The following NRG1 variants were observed in gnomAD, a reference collection of about 807,000 sequenced individuals.
The protein encoded by NRG1 is neuregulin 1.
NRG1 carries 18 observed loss-of-function variants against 63.8 expected under a neutral mutation model. That is an observed-to-expected ratio of 0.28 (90% confidence interval 0.19 to 0.42). The LOEUF (loss-of-function observed/expected upper bound fraction) is 0.42, where lower values mean the gene tolerates loss of function less well. NRG1 is among the 10% of genes least tolerant of loss of function. NRG1 has a pLI of 1.00. For missense variants in NRG1, 762 were observed against 814.7 expected, an observed-to-expected ratio of 0.94 and a Z score of 0.79; for synonymous variants, 302 against 301.3, an observed-to-expected ratio of 1.00 and a Z score of -0.02.
chr8:31,808,963 A>G (rs1379908721), intron 1 of NRG1, among the ~76,000 whole-genome samples: 1 of 152,056 alleles, frequency 6.6e-6, no homozygotes, highest in Non-Finnish European at 1.5e-5. Flanking sequence ...TGTAGGTGTT[A>G]AATTTCTGAG....
chr8:32,523,552 T>G (rs1830534101), intron 1 of NRG1, among the ~76,000 whole-genome samples: 1 of 152,116 alleles, frequency 6.6e-6, no homozygotes, highest in Admixed American at 6.6e-5. Context: ...TCTTTGGGGG[T>G]CCTCAGTAAT....
At chr8:31,775,757 C>T (rs1819059613) in intron 1 of NRG1, among the ~76,000 whole-genome samples, 1 of 151,602 alleles carries the variant, frequency 6.6e-6, no homozygotes, top group Non-Finnish European at 1.5e-5. Flanking sequence ...ATGGTGGGTG[C>T]CTGTAGTCCC....
At chr8:32,434,056 C>A in intron 1 of NRG1, among the ~76,000 whole-genome samples, 1 of 151,994 alleles carries the variant, frequency 6.6e-6, no homozygotes, top group Middle Eastern at 3.4e-3. Flanking sequence ...CGTGGTGGCA[C>A]GTGCCTGTAA....
chr8:32,425,031 G>A lies in NRG1; in HGVS notation c.38-170797G>A, dbSNP rs185554751. ...ATAATATTTTGGTACTTATTGAAAAGCAGCTATTGTTTTAAGTCCTTTGCA... is the reference window on the plus strand; with the variant it reads ...ATAATATTTTGGTACTTATTGAAAAACAGCTATTGTTTTAAGTCCTTTGCA... On this transcript the variant is annotated intron_variant, in intron 1 of 10. Transcript: ENST00000519301. Among the ~76,000 whole-genome samples, 125 of 152,298 alleles carry A rather than the reference G, an allele frequency of 8.2e-4. 1 individual carries two copies. The highest frequency in any genetic ancestry group is 2.8e-3 in the African/African-American group (118 of 41,578).
At chr8:32,592,391 C>T in intron 1 of NRG1, among the ~76,000 whole-genome samples, 2 of 152,108 alleles carry the variant, frequency 1.3e-5, no homozygotes, top group East Asian at 1.9e-4. Context: ...AGTAGCTCCA[C>T]ATTAGATTGA....
At chr8:32,136,886 A>G (rs1394547159) in intron 1 of NRG1, 1 of 152,126 alleles carries the variant, frequency 6.6e-6, no homozygotes, top group Non-Finnish European at 1.5e-5. Flanking sequence ...GCCTTATATA[A>G]CACCTTAATA....
At position 32,749,396 on chromosome 8, in the gene NRG1, G is replaced by A. The variant is rs554018321; in HGVS notation, c.692-4976G>A. On this transcript the variant is annotated intron_variant, in intron 7 of 11. Transcript: ENST00000356819. ...GTTCCCTATGTGAACTCACAGAGGC[G>A]TACCTGAGCACTGCTTCTTAACCAC... 1.0e-4 allele frequency: 74 copies of A among 726,618 alleles called. No individual in the cohort carries two copies. The Admixed American group carries it at 1.1e-3, about 11-fold the overall frequency. 45.0% of individuals were successfully genotyped at this position (726,618 alleles called of 1,614,324 possible).
At chr8:32,233,563 A>ATTTTT (rs1554660617) in intron 1 of NRG1, among the ~76,000 whole-genome samples, 4 of 67,262 alleles carry the variant, frequency 5.9e-5, no homozygotes, top group African/African-American at 1.6e-4. Flanking sequence ...ATATATATAT[A>ATTTTT]TTTTTTTTTT....
intron 1 of NRG1, among the ~76,000 whole-genome samples, chr8:32,575,698 A>G (rs1757614141): frequency 6.6e-6 from 1 of 152,232 alleles, no homozygotes; most frequent in Non-Finnish European, 1.5e-5. Flanking sequence ...TCTTGTAAAG[A>G]TTAAATGGTG....
At chr8:31,992,290 C>CA (rs2129632753) in intron 1 of NRG1, among the ~76,000 whole-genome samples, 1 of 151,950 alleles carries the variant, frequency 6.6e-6, no homozygotes, top group Non-Finnish European at 1.5e-5. Context: ...AAGGGGGTAC[C>CA]AAAAAACAGA....
At chr8:31,918,869 A>C (rs1290953685) in intron 1 of NRG1, among the ~76,000 whole-genome samples, 2 of 152,022 alleles carry the variant, frequency 1.3e-5, no homozygotes, top group Non-Finnish European at 2.9e-5. Context: ...GATTATTGCC[A>C]CAATTTCAGC....
At chr8:31,715,387 G>A (rs1812252185) in intron 1 of NRG1, among the ~76,000 whole-genome samples, 1 of 152,106 alleles carries the variant, frequency 6.6e-6, no homozygotes, top group African/African-American at 2.4e-5. Context: ...AGAAAGTCTA[G>A]CTATTCAATT....
intron 1 of NRG1, among the ~76,000 whole-genome samples, chr8:32,284,479 C>CTGCCTGCCTGCG (rs1234653497): frequency 3.7e-5 from 5 of 133,398 alleles, no homozygotes; most frequent in African/African-American, 5.8e-5. Context: ...GCTTGCCTCC[C>CTGCCTGCCTGCG]TGCCTGCCTG....
intron 1 of NRG1, among the ~76,000 whole-genome samples, chr8:32,415,173 C>T (rs760365172): frequency 1.3e-5 from 2 of 151,690 alleles, no homozygotes; most frequent in Non-Finnish European, 2.9e-5. Flanking sequence ...TTTGGGAGGC[C>T]GAGGCAGGTG....
chr8:32,365,209 C>T (rs560685635), intron 1 of NRG1, among the ~76,000 whole-genome samples: 1 of 152,196 alleles, frequency 6.6e-6, no homozygotes, highest in Admixed American at 6.5e-5. Flanking sequence ...TTACTTTGAA[C>T]TGCATTTGTG....
intron 1 of NRG1, among the ~76,000 whole-genome samples, chr8:32,065,214 T>G (rs1824561182): frequency 6.6e-6 from 1 of 152,114 alleles, no homozygotes; most frequent in Non-Finnish European, 1.5e-5. Context: ...TTTTATTTTT[T>G]TATTATACTT....
intron 1 of NRG1, among the ~76,000 whole-genome samples, chr8:32,028,261 A>G (rs1817764770): frequency 6.6e-6 from 1 of 152,162 alleles, no homozygotes; most frequent in African/African-American, 2.4e-5. Context: ...CTTTCTTCTA[A>G]TGACCAAACT....
intron 5 of NRG1, among the ~76,000 whole-genome samples, chr8:32,626,473 G>A (rs568011559): frequency 6.6e-6 from 1 of 151,766 alleles, no homozygotes; most frequent in African/African-American, 2.4e-5. Context: ...AAGGTCAGGA[G>A]ATCGAGACCA....
At chr8:32,459,270 G>A (rs1822005217) in intron 1 of NRG1, among the ~76,000 whole-genome samples, 2 of 152,082 alleles carry the variant, frequency 1.3e-5, no homozygotes, top group Non-Finnish European at 2.9e-5. Flanking sequence ...TTGCCTCACT[G>A]TCTTCTGATC....
Sources: gnomAD v4.1 joint callset for allele counts (sites outside exome capture counted in the v4.1 genomes callset) on GRCh38, gnomAD v4.1.1 for gene constraint, MANE v1.5 for transcripts, NCBI Gene and HGNC (gene_info 2026-07-23, HGNC 2026-07-21) for gene names.